Variants in NCOA5 observed in about 807,000 individuals in gnomAD.
NCOA5 encodes nuclear receptor coactivator 5.
Under a neutral mutation model 59.0 loss-of-function variants are expected in NCOA5, and 12 were observed. That is an observed-to-expected ratio of 0.20 (90% CI 0.13 to 0.33). NCOA5 has a LOEUF of 0.33. NCOA5 is among the 10% of genes least tolerant of loss of function. The probability of loss-of-function intolerance (pLI) is 1.00; values close to 1 mark genes in which losing one functional copy is unlikely to be tolerated. For missense variants in NCOA5, 655 were observed against 766.6 expected, an observed-to-expected ratio of 0.85 and a Z score of 1.72; for synonymous variants, 270 against 275.5, an observed-to-expected ratio of 0.98 and a Z score of 0.20.
At chr20:46,088,576 G>A (rs955311099) in intron 1 of NCOA5, among the ~76,000 whole-genome samples, 1 of 151,734 alleles carries the variant, frequency 6.6e-6, no homozygotes, top group Non-Finnish European at 1.5e-5. Flanking sequence ...ATCTTTTTAT[G>A]AGCCAACAGG....
chr20:46,089,588 A>G (rs11557123), intron 1 of NCOA5, among the ~76,000 whole-genome samples: 34,439 of 151,958 alleles, frequency 0.23, 4,100 homozygotes, highest in South Asian at 0.29. Flanking sequence ...CACCACAGAG[A>G]ACCGTAGGCC....
intron 1 of NCOA5, among the ~76,000 whole-genome samples, chr20:46,089,146 T>G (rs1399386896): frequency 6.6e-6 from 1 of 152,214 alleles, no homozygotes; most frequent in Non-Finnish European, 1.5e-5. Context: ...GAGCGGACAG[T>G]GCCCCGCGCC....
chr20:46,071,403 A>G (rs2084881651), intron 2 of NCOA5, among the ~76,000 whole-genome samples: 1 of 152,136 alleles, frequency 6.6e-6, no homozygotes, highest in African/African-American at 2.4e-5. Flanking sequence ...TTCTTCCCCC[A>G]TCCCAATAAA....
Position 46,088,669 on chromosome 20 carries a change from A to T in NCOA5, c.-30+1148T>A, listed in dbSNP as rs147876819. Reference sequence around the variant, plus strand: ...AACACAGTTCTTGCAGTTCCCTGGGACTAACACTTTTAAGTCAACAAAGAG... The same window carrying T: ...AACACAGTTCTTGCAGTTCCCTGGGTCTAACACTTTTAAGTCAACAAAGAG... On this transcript the variant is annotated intron_variant, in intron 1 of 7. Coordinates refer to ENST00000290231, the MANE Select transcript of NCOA5 (RefSeq NM_020967.3). 7.4e-4 allele frequency among the ~76,000 whole-genome samples: 113 copies of T among 152,330 alleles called. 1 individual carries two copies. The highest frequency in any genetic ancestry group is 2.8e-3 in the Admixed American group (43 of 15,300).
intron 5 of NCOA5, 64 bp from the exon 6 acceptor site, chr20:46,065,292 C>T: frequency 6.5e-7 from 1 of 1,527,742 alleles, no homozygotes; most frequent in Non-Finnish European, 9.1e-7. Context: ...TGTCTCAAGC[C>T]AGTTGTGTGT....
In NCOA5 at chr20:46,081,978, G is replaced by A. The variant is rs376078230; in HGVS notation, c.-29-2525C>T. Among the ~76,000 whole-genome samples the A allele has an allele frequency of 7.9e-5, 12 of 152,138 alleles. No homozygotes were observed. The East Asian group carries it at 1.5e-3, about 20-fold the overall frequency. On this transcript the variant is annotated intron_variant, in intron 1 of 7. Transcript: ENST00000290231. ...TAAATAACTTTAAGGAACTAATCAC[G>A]GAGAGCAAAGATTCAAGAAGTCAAG... is the stretch of plus-strand genomic sequence containing the variant.
At chr20:46,074,356 CATA>C (rs1397848773) in intron 2 of NCOA5, among the ~76,000 whole-genome samples, 2 of 152,160 alleles carry the variant, frequency 1.3e-5, no homozygotes, top group Non-Finnish European at 2.9e-5. Flanking sequence ...GTTTCTGGAG[CATA>C]ATAAGGTTAA....
At position 46,062,559 on chromosome 20, in the gene NCOA5, G is replaced by A; in HGVS notation, c.1481C>T (p.Ala494Val). Reference sequence around the variant, plus strand: ...CCCAGGTCTGGGGCCCATGTTCTGAGCAGATCCTCCCTGTCCCAAAATGCT... The same window carrying A: ...CCCAGGTCTGGGGCCCATGTTCTGAACAGATCCTCCCTGTCCCAAAATGCT... ...PPSILGQGGS[A>V]QNMGPRPGAP... The change falls in exon 8 of 8, where the codon GCT becomes GTT. Residue 494 changes from alanine to valine, a missense_variant. Coordinates refer to ENST00000290231, the MANE Select transcript of NCOA5 (RefSeq NM_020967.3). The A allele has an allele frequency of 6.2e-7, 1 of 1,614,242 alleles. No homozygotes were observed. Among genetic ancestry groups the A allele is most frequent in the Non-Finnish European group, 8.5e-7 (1 of 1,180,038 alleles).
chr20:46,062,712 G>A lies in NCOA5; in HGVS notation c.1328C>T (p.Thr443Ile), dbSNP rs774665977. ...TGCAGAGCTGCTATTGGCCGTCACT[G>A]TGCCACTATTGAAGAGGCTGAGGAT... ...AKILSLFNSG[T>I]VTANSSSASP... The change falls in exon 8 of 8, where the codon ACA becomes ATA. Residue 443 changes from threonine to isoleucine, a missense_variant. This residue lies in a region of NCOA5 where 325 missense variants were observed against 353.2 expected (regional missense o/e 0.92). Coordinates refer to ENST00000290231, the MANE Select transcript of NCOA5 (RefSeq NM_020967.3). The A allele has an allele frequency of 6.2e-7, 1 of 1,614,066 alleles. No individual in the cohort carries two copies. Among genetic ancestry groups the A allele is most frequent in the South Asian group, 1.1e-5 (1 of 91,078 alleles).
chr20:46,062,410 G>C lies in NCOA5; in HGVS notation c.1630C>G (p.Leu544Val), dbSNP rs750799486. The change falls in exon 8 of 8, where the codon CTG becomes GTG. Residue 544 changes from leucine (L) to valine (V), a missense_variant. Leu to Val is a conservative substitution (Grantham distance 32). This residue lies in a region of NCOA5 where 325 missense variants were observed against 353.2 expected (regional missense o/e 0.92). Coordinates refer to ENST00000290231, the MANE Select transcript of NCOA5 (RefSeq NM_020967.3). ...GGGCCACTCTGGATCAGGGTATCCAGAGCCTTCTGTACACTTGGATTGTCA... is the reference window on the plus strand; with the variant it reads ...GGGCCACTCTGGATCAGGGTATCCACAGCCTTCTGTACACTTGGATTGTCA... The part of the protein sequence containing the change: ...NFDNPSVQKA[L>V]DTLIQSGPAL... 6.2e-7 allele frequency: 1 copy of C among 1,614,184 alleles called. No homozygotes were observed. Among genetic ancestry groups the C allele is most frequent in the Non-Finnish European group, 8.5e-7 (1 of 1,180,042 alleles).
chr20:46,075,215 A>G (rs2084924355), intron 2 of NCOA5, among the ~76,000 whole-genome samples: 2 of 152,150 alleles, frequency 1.3e-5, no homozygotes, highest in African/African-American at 4.8e-5. Context: ...ACACATGTCC[A>G]TGCTTTTCCT....
At chr20:46,069,520 G>A (rs2145530644) in intron 3 of NCOA5, among the ~76,000 whole-genome samples, 1 of 152,254 alleles carries the variant, frequency 6.6e-6, no homozygotes, top group African/African-American at 2.4e-5. Flanking sequence ...AGGATACCTT[G>A]AGCTCAGGAG....
intron 7 of NCOA5, 159 bp downstream of exon 7, chr20:46,063,201 C>T (rs2084786262): frequency 1.5e-6 from 1 of 683,742 alleles, no homozygotes; most frequent in Non-Finnish European, 2.4e-6. Context: ...TTATTATTAA[C>T]ATTATATCAG....
Position 46,062,096 on chromosome 20 carries a change from A to G in NCOA5, c.*204T>C. The stretch of plus-strand genomic sequence containing the variant: ...TTTCTACAAAACAAAAAACAAAAAA[A>G]GATACAGCCCCAAATGCAGTATAAA... On this transcript the variant is annotated 3_prime_UTR_variant, in exon 8 of 8. Transcript: ENST00000290231. 4.2e-6 allele frequency: 2 copies of G among 478,922 alleles called. No individual in the cohort carries two copies. The highest frequency in any genetic ancestry group is 7.3e-6 in the Non-Finnish European group (2 of 272,874). The allele number at this position is 478,922 out of a possible 1,614,324, so 29.7% of individuals were successfully genotyped here.
At chr20:46,082,740 C>T (rs1413627723) in intron 1 of NCOA5, among the ~76,000 whole-genome samples, 1 of 152,142 alleles carries the variant, frequency 6.6e-6, no homozygotes, top group East Asian at 1.9e-4. Context: ...CAGTTAAAAG[C>T]ACTTCTCAGT....
chr20:46,088,464 G>C (rs1001111809), intron 1 of NCOA5, among the ~76,000 whole-genome samples: 1 of 152,212 alleles, frequency 6.6e-6, no homozygotes, highest in Non-Finnish European at 1.5e-5. Context: ...GTTGCAAAAA[G>C]TAGACACAAA....
chr20:46,069,754 TA>T (rs1189298571), intron 3 of NCOA5, among the ~76,000 whole-genome samples: 1 of 152,070 alleles, frequency 6.6e-6, no homozygotes, highest in Non-Finnish European at 1.5e-5. Context: ...AAAAATCCAT[TA>T]ATCTGCTGAT....
In NCOA5 at chr20:46,070,192, G is replaced by T; in HGVS notation, c.365+18C>A. The T allele has an allele frequency of 6.3e-7, 1 of 1,587,002 alleles. No individual in the cohort carries two copies. The highest frequency in any genetic ancestry group is 1.7e-4 in the Middle Eastern group (1 of 5,966). ...AAAAGAACTCAGGAAAAAACAAGCA[G>T]AGTAACTACGTATGTACCTGTACAT... On this transcript the variant is annotated intron_variant, in intron 3 of 7. Transcript: ENST00000290231.
rs986924489 is a variant in NCOA5 at position 46,067,159 on chromosome 20, C to T, written c.525G>A (p.Arg175=). ...RAKERLKREE[R]RREELYRQYF... Reference sequence around the variant, plus strand: ...ATTGACGATAAAGCTCTTCTCTACGCCGTTCCTCACGTTTCAAACGCTCTG... The same window carrying T: ...ATTGACGATAAAGCTCTTCTCTACGTCGTTCCTCACGTTTCAAACGCTCTG... Residue 175 remains arginine (R), a synonymous_variant, in exon 5 of 8, where the codon CGG becomes CGA. Coordinates refer to ENST00000290231, the MANE Select transcript of NCOA5 (RefSeq NM_020967.3). 5.0e-6 allele frequency: 8 copies of T among 1,613,846 alleles called. No individual in the cohort carries two copies. The Admixed American group carries it at 1.0e-4, about 20-fold the overall frequency.
Sources: gnomAD v4.1 joint callset for allele counts (sites outside exome capture counted in the v4.1 genomes callset) on GRCh38, gnomAD v4.1.1 for gene constraint, gnomAD v4.1.1 regional missense constraint, MANE v1.5 for transcripts, NCBI Gene and HGNC (gene_info 2026-07-23, HGNC 2026-07-21) for gene names.